Variants in ZMYM2 observed in about 807,000 individuals in gnomAD.
ZMYM2 encodes zinc finger MYM-type protein 2.
ZMYM2 carries 56 observed loss-of-function variants against 162.8 expected under a neutral mutation model. The ratio of observed to expected loss-of-function variants is 0.34; its 90% CI spans 0.28 to 0.43. ZMYM2 has a LOEUF of 0.43. Ranked by LOEUF, ZMYM2 falls within the 20% of genes least tolerant of loss-of-function variation. The pLI, the probability that ZMYM2 is intolerant of heterozygous loss-of-function variation, is 1.00. For missense variants in ZMYM2, 1,275 were observed against 1,621.8 expected, an observed-to-expected ratio of 0.79 and a Z score of 3.67; for synonymous variants, 510 against 541.6, an observed-to-expected ratio of 0.94 and a Z score of 0.81.
At chr13:19,980,452 T>C (rs1957217005) in intron 2 of ZMYM2, among the ~76,000 whole-genome samples, 1 of 152,020 alleles carries the variant, frequency 6.6e-6, no homozygotes, top group Non-Finnish European at 1.5e-5. Flanking sequence ...CATCTCTTTT[T>C]AGAATTTTCC....
At chr13:20,079,626 T>C (rs1957780699) in intron 21 of ZMYM2, among the ~76,000 whole-genome samples, 1 of 152,196 alleles carries the variant, frequency 6.6e-6, no homozygotes, top group African/African-American at 2.4e-5. Context: ...ATGGCATTGC[T>C]TCCCATACTA....
chr13:20,032,380 T>A (rs1200292400), intron 10 of ZMYM2, among the ~76,000 whole-genome samples: 1 of 151,968 alleles, frequency 6.6e-6, no homozygotes, highest in African/African-American at 2.4e-5. Flanking sequence ...TGAGCAATGC[T>A]TGCCTTTGGC....
chr13:20,048,949 C>A (rs1359620895), intron 12 of ZMYM2, among the ~76,000 whole-genome samples: 1 of 151,480 alleles, frequency 6.6e-6, no homozygotes, highest in East Asian at 1.9e-4. Context: ...CTTAATAGTT[C>A]TTTTTTGCAA....
At chr13:19,905,907 A>G in the ZMYM2 span, among the ~76,000 whole-genome samples, 1 of 152,080 alleles carries the variant, frequency 6.6e-6, no homozygotes, top group African/African-American at 2.4e-5. Flanking sequence ...TTGGGAGGCC[A>G]CAGTGGGAGG....
chr13:20,011,633 G>A (rs1951197092), intron 6 of ZMYM2, among the ~76,000 whole-genome samples: 1 of 150,058 alleles, frequency 6.7e-6, no homozygotes, highest in South Asian at 2.1e-4. Context: ...AGGCTGGAGT[G>A]CAATGGCACG....
chr13:19,968,989 A>T (rs890107706), intron 2 of ZMYM2, among the ~76,000 whole-genome samples: 17 of 152,242 alleles, frequency 1.1e-4, no homozygotes, highest in African/African-American at 3.9e-4. Flanking sequence ...GACACTTCTT[A>T]AAGAATATTT....
rs779213044 is a variant in ZMYM2, at chr13:19,993,462, G to A, written c.390G>A (p.Gly130=). ...AAGAGGACATGGAAACAAATCAAGG[G>A]CAAGAGAAAAATTCCTCCAATTTTA... is the stretch of plus-strand genomic sequence containing the variant. ...DDEEDMETNQ[G]QEKNSSNFIE... Residue 130 remains glycine (G), a synonymous_variant, in exon 3 of 25, where the codon GGG becomes GGA. Coordinates refer to ENST00000610343, the MANE Select transcript of ZMYM2 (RefSeq NM_197968.4). 8.1e-6 allele frequency: 13 copies of A among 1,613,858 alleles called. No individual in the cohort carries two copies. The East Asian group carries it at 2.9e-4, about 36-fold the overall frequency.
the ZMYM2 span, among the ~76,000 whole-genome samples, chr13:19,912,778 A>C: frequency 6.6e-6 from 1 of 152,208 alleles, no homozygotes; most frequent in Non-Finnish European, 1.5e-5. Flanking sequence ...ATATTAGAGA[A>C]TGGAAATAAA....
At chr13:20,003,533 T>TAA (rs1214579407) in intron 4 of ZMYM2, among the ~76,000 whole-genome samples, 3 of 152,240 alleles carry the variant, frequency 2.0e-5, no homozygotes, top group African/African-American at 7.2e-5. Flanking sequence ...TTTTGAACAT[T>TAA]AAGTCATTAG....
chr13:19,886,635 T>TTTG, the ZMYM2 span, among the ~76,000 whole-genome samples: 1 of 151,562 alleles, frequency 6.6e-6, no homozygotes, highest in Non-Finnish European at 1.5e-5. Context: ...CTCAGGTTTT[T>TTTG]TTGTTGTTGT....
chr13:19,991,079 C>CGGG (rs1949573313), intron 2 of ZMYM2, among the ~76,000 whole-genome samples: 1 of 59,838 alleles, frequency 1.7e-5, no homozygotes, highest in Non-Finnish European at 6.3e-5. Context: ...TATGTATTTT[C>CGGG]TGTGTGTGTG....
intron 2 of ZMYM2, among the ~76,000 whole-genome samples, chr13:19,962,803 C>T (rs1172591716): frequency 6.8e-6 from 1 of 146,834 alleles, no homozygotes; most frequent in South Asian, 2.1e-4. Context: ...AGATTACAGG[C>T]GTAAGCCACC....
At chr13:19,932,786 G>A in the ZMYM2 span, among the ~76,000 whole-genome samples, 6 of 152,238 alleles carry the variant, frequency 3.9e-5, no homozygotes, top group East Asian at 3.9e-4. Flanking sequence ...TGCTGGCACC[G>A]TATCTTGACT....
At chr13:19,975,124 A>G (rs1041423726) in intron 2 of ZMYM2, among the ~76,000 whole-genome samples, 1 of 151,566 alleles carries the variant, frequency 6.6e-6, no homozygotes, top group African/African-American at 2.4e-5. Flanking sequence ...TTCTTTTCAT[A>G]GGATATCATT....
intron 6 of ZMYM2, among the ~76,000 whole-genome samples, chr13:20,012,101 G>C (rs1951244589): frequency 6.6e-6 from 1 of 151,962 alleles, no homozygotes; most frequent in African/African-American, 2.4e-5. Flanking sequence ...GGCCAGGCTG[G>C]TCTCGAACTC....
At chr13:19,891,037 G>A in the ZMYM2 span, among the ~76,000 whole-genome samples, 14 of 151,762 alleles carry the variant, frequency 9.2e-5, no homozygotes, top group African/African-American at 2.9e-4. Context: ...ATGATGTAAG[G>A]TGTGCATTTA....
intron 2 of ZMYM2, among the ~76,000 whole-genome samples, chr13:19,985,736 C>T (rs551828371): frequency 4.6e-5 from 7 of 151,212 alleles, no homozygotes; most frequent in Non-Finnish European, 1.0e-4. Flanking sequence ...TTTGGCCGGG[C>T]GTGGTGGCAC....
chr13:20,002,279 G>A (rs1008022805), intron 3 of ZMYM2, among the ~76,000 whole-genome samples: 1 of 152,102 alleles, frequency 6.6e-6, no homozygotes, highest in African/African-American at 2.4e-5. Context: ...TTATAAATAC[G>A]TGAATACTTC....
At chr13:19,877,625 A>C in the ZMYM2 span, among the ~76,000 whole-genome samples, 2 of 152,200 alleles carry the variant, frequency 1.3e-5, no homozygotes, top group Non-Finnish European at 2.9e-5. Flanking sequence ...CCATAGCATT[A>C]TGTAAGTGGA....
Sources: gnomAD v4.1 joint callset for allele counts (sites outside exome capture counted in the v4.1 genomes callset) on GRCh38, gnomAD v4.1.1 for gene constraint, MANE v1.5 for transcripts, NCBI Gene and HGNC (gene_info 2026-07-23, HGNC 2026-07-21) for gene names.